The following SPPL3 variants were observed in gnomAD, a reference collection of about 807,000 sequenced individuals.
SPPL3 encodes the protein signal peptide peptidase like 3, also known as signal peptide peptidase-like 3.
In SPPL3, 5 loss-of-function variants were observed where a neutral mutation model predicts 42.4. The observed-to-expected ratio is 0.12, with a 90% CI of 0.06 to 0.25. The LOEUF is 0.25. SPPL3 is among the 10% of genes least tolerant of loss of function. The pLI, the probability that SPPL3 is intolerant of heterozygous loss-of-function variation, is 1.00. For missense variants in SPPL3, 235 were observed against 489.0 expected, an observed-to-expected ratio of 0.48 and a Z score of 4.90; for synonymous variants, 195 against 181.8, an observed-to-expected ratio of 1.07 and a Z score of -0.58.
chr12:120,900,416 A>G (rs117816983), intron 1 of SPPL3, among the ~76,000 whole-genome samples: 3,159 of 151,482 alleles, frequency 0.021, 45 homozygotes, highest in Non-Finnish European at 0.031. Context: ...CAAGACCAGC[A>G]CCGGCAACAT....
intron 1 of SPPL3, among the ~76,000 whole-genome samples, chr12:120,876,405 AGC>A (rs1334938456): frequency 6.6e-6 from 1 of 151,786 alleles, no homozygotes; most frequent in East Asian, 1.9e-4. Context: ...TGAGGTCAGG[AGC>A]TCGAGACCAT....
At chr12:120,833,253 G>A (rs1032241314) in intron 1 of SPPL3, among the ~76,000 whole-genome samples, 8 of 152,206 alleles carry the variant, frequency 5.3e-5, no homozygotes, top group Non-Finnish European at 1.0e-4. Flanking sequence ...TGTGGGGCAT[G>A]TGTTAAGTAC....
At chr12:120,894,845 G>A (rs1756497224) in intron 1 of SPPL3, among the ~76,000 whole-genome samples, 1 of 152,182 alleles carries the variant, frequency 6.6e-6, no homozygotes, top group Non-Finnish European at 1.5e-5. Flanking sequence ...TACTAGTGGG[G>A]CTGAGGCAGG....
At chr12:120,845,769 C>G (rs1872009460) in intron 1 of SPPL3, 1 of 207,092 alleles carries the variant, frequency 4.8e-6, no homozygotes, top group African/African-American at 2.3e-5. Context: ...CTTCAGACAG[C>G]AACTTAAATG....
chr12:120,813,253 A>G (rs1870745574), intron 1 of SPPL3, among the ~76,000 whole-genome samples: 1 of 152,048 alleles, frequency 6.6e-6, no homozygotes, highest in Non-Finnish European at 1.5e-5. Flanking sequence ...GTAAAAAATA[A>G]GACATATAAT....
intron 1 of SPPL3, among the ~76,000 whole-genome samples, chr12:120,852,963 C>G (rs776917912): frequency 6.7e-6 from 1 of 149,314 alleles, no homozygotes; most frequent in African/African-American, 2.5e-5. Context: ...GGTGCATTCT[C>G]GGCTTACTGC....
intron 1 of SPPL3, among the ~76,000 whole-genome samples, chr12:120,851,295 AT>A (rs1872214954): frequency 6.6e-6 from 1 of 152,168 alleles, no homozygotes. Flanking sequence ...CTGCCTGTAA[AT>A]CACTGGCCTT....
At chr12:120,850,535 C>T (rs1872189535) in intron 1 of SPPL3, among the ~76,000 whole-genome samples, 1 of 145,690 alleles carries the variant, frequency 6.9e-6, no homozygotes, top group Admixed American at 6.9e-5. Context: ...TGCTGCTATT[C>T]TGGATTTCAT....
chr12:120,813,259 A>G (rs1028086745), intron 1 of SPPL3, among the ~76,000 whole-genome samples: 2 of 151,940 alleles, frequency 1.3e-5, no homozygotes, highest in African/African-American at 4.8e-5. Context: ...AATAAGACAT[A>G]TAATAAACTT....
rs186273914 is a variant in SPPL3, at chr12:120,781,173, T to A, written c.502+1482A>T. The stretch of plus-strand genomic sequence containing the variant: ...TAATCAATAAAAAGCACTCCATTCA[T>A]CCTAGGTATTATTGTCATTATTACT... On this transcript the variant is annotated intron_variant, in intron 6 of 10. Coordinates refer to ENST00000353487, the MANE Select transcript of SPPL3 (RefSeq NM_139015.5). Among the ~76,000 whole-genome samples the A allele has an allele frequency of 2.9e-3, 447 of 152,292 alleles. 4 individuals carry two copies. Among genetic ancestry groups the A allele is most frequent in the Non-Finnish European group, 4.7e-3 (321 of 68,022 alleles).
chr12:120,773,443 A>C (rs1869195401), intron 6 of SPPL3, among the ~76,000 whole-genome samples: 1 of 152,186 alleles, frequency 6.6e-6, no homozygotes, highest in African/African-American at 2.4e-5. Flanking sequence ...AAGTAACAGA[A>C]GGCCTAGGAT....
At chr12:120,822,423 C>T (rs995500687) in intron 1 of SPPL3, among the ~76,000 whole-genome samples, 1 of 152,090 alleles carries the variant, frequency 6.6e-6, no homozygotes, top group African/African-American at 2.4e-5. Context: ...ATTCTAGAAA[C>T]GAAGTCTTAA....
intron 1 of SPPL3, among the ~76,000 whole-genome samples, chr12:120,881,803 A>AC (rs1256760699): frequency 6.6e-6 from 1 of 151,374 alleles, no homozygotes; most frequent in Non-Finnish European, 1.5e-5. Flanking sequence ...CCAATAACAA[A>AC]AAAAAAAAGA....
chr12:120,851,143 T>C (rs561467383), intron 1 of SPPL3, among the ~76,000 whole-genome samples: 2 of 152,332 alleles, frequency 1.3e-5, no homozygotes, highest in South Asian at 4.1e-4. Context: ...CCAGGTGTTA[T>C]CATTCCTAAT....
chr12:120,811,571 T>A (rs1196664880), intron 1 of SPPL3: 1 of 152,232 alleles, frequency 6.6e-6, no homozygotes, highest in Non-Finnish European at 1.5e-5. Context: ...GTTAGCTCCC[T>A]TCTATGGCTC....
intron 1 of SPPL3, among the ~76,000 whole-genome samples, chr12:120,895,707 T>C (rs1052405560): frequency 6.6e-6 from 1 of 151,768 alleles, no homozygotes; most frequent in African/African-American, 2.4e-5. Flanking sequence ...ACGGAGCACT[T>C]TGCAATGCAT....
intron 1 of SPPL3, among the ~76,000 whole-genome samples, chr12:120,887,891 A>AC (rs1274787807): frequency 1.3e-5 from 2 of 152,212 alleles, no homozygotes; most frequent in Non-Finnish European, 2.9e-5. Flanking sequence ...AGAAATTAGA[A>AC]TCTCACACAT....
intron 1 of SPPL3, among the ~76,000 whole-genome samples, chr12:120,834,135 C>T (rs906064839): frequency 7.9e-5 from 12 of 152,178 alleles, no homozygotes; most frequent in Non-Finnish European, 1.3e-4. Context: ...ACGTTAACCA[C>T]ATCTGCTGAA....
intron 2 of SPPL3, among the ~76,000 whole-genome samples, chr12:120,810,374 C>T (rs1443512701): frequency 6.9e-6 from 1 of 143,944 alleles, no homozygotes; most frequent in African/African-American, 2.8e-5. Context: ...ACTACACTTT[C>T]ATTTTTGGTT....
Sources: gnomAD v4.1 joint callset for allele counts (sites outside exome capture counted in the v4.1 genomes callset) on GRCh38, gnomAD v4.1.1 for gene constraint, MANE v1.5 for transcripts, NCBI Gene and HGNC (gene_info 2026-07-23, HGNC 2026-07-21) for gene names.